USP1: variants seen among roughly 807,000 people sequenced by gnomAD.
The protein encoded by USP1 is ubiquitin carboxyl-terminal hydrolase 1.
USP1 carries 18 observed loss-of-function variants against 72.2 expected under a neutral mutation model. The ratio of observed to expected loss-of-function variants is 0.25; its 90% CI spans 0.17 to 0.37. The LOEUF (loss-of-function observed/expected upper bound fraction) is 0.37. USP1 is among the 10% of genes least tolerant of loss of function. The pLI is 1.00. For missense variants in USP1, 759 were observed against 884.9 expected (o/e 0.86, Z 1.81); for synonymous variants, 354 against 303.7 (o/e 1.17, Z -1.72).
intron 1 of USP1, among the ~76,000 whole-genome samples, chr1:62,439,164 A>G (rs1182454709): frequency 2.0e-5 from 3 of 152,188 alleles, no homozygotes; most frequent in Non-Finnish European, 4.4e-5. Flanking sequence ...TATTTTCTGA[A>G]TGAATCATTA....
Position 62,447,493 on chromosome 1 carries a change from G to C in USP1, c.1402G>C (p.Val468Leu). 6.2e-7 allele frequency: 1 copy of C among 1,613,116 alleles called. No homozygotes were observed. The highest frequency in any genetic ancestry group is 8.5e-7 in the Non-Finnish European group (1 of 1,179,768). ...VPVQEDELSK[V>L]EESSEISPEP... ...AGTACAAGAAGATGAGCTTTCCAAAGTAGAGGAGAGTTCTGAAAGTAAGCA... is the reference window on the plus strand; with the variant it reads ...AGTACAAGAAGATGAGCTTTCCAAACTAGAGGAGAGTTCTGAAAGTAAGCA... The change falls in exon 7 of 9, where the codon GTA (valine) becomes CTA (leucine). Residue 468 changes from valine to leucine, a missense_variant. Coordinates refer to ENST00000339950, the MANE Select transcript of USP1 (RefSeq NM_003368.5).
intron 2 of USP1, among the ~76,000 whole-genome samples, chr1:62,440,381 ATATTTG>A (rs947933216): frequency 1.9e-4 from 29 of 150,044 alleles, no homozygotes; most frequent in African/African-American, 6.2e-4. Context: ...ATATATATAT[ATATTTG>A]TTTGGTTCAG....
intron 7 of USP1, among the ~76,000 whole-genome samples, chr1:62,448,016 G>C (rs774569434): frequency 2.0e-5 from 3 of 152,114 alleles, no homozygotes; most frequent in Non-Finnish European, 4.4e-5. Flanking sequence ...TCAATCTCCT[G>C]ACCTCGTGAT....
chr1:62,442,422 C>G (rs1018806741), intron 4 of USP1, 123 bp downstream of exon 4: 20 of 677,240 alleles, frequency 3.0e-5, no homozygotes, highest in Non-Finnish European at 4.6e-5. Flanking sequence ...TGTTAGCGAG[C>G]TATTGTCAGG....
At chr1:62,441,751 A>C in intron 3 of USP1, 143 bp downstream of exon 3, 1 of 1,020,372 alleles carries the variant, frequency 9.8e-7, no homozygotes, top group Non-Finnish European at 1.4e-6. Context: ...GGCTAAAATA[A>C]TAAGTTACAT....
Position 62,439,485 on chromosome 1 carries a change from T to G in USP1, c.-69-314T>G, listed in dbSNP as rs540484570. Among the ~76,000 whole-genome samples the G allele has an allele frequency of 1.6e-4, 25 of 152,336 alleles. No homozygotes were observed. In the South Asian group the frequency reaches 4.6e-3, roughly 28 times the overall value. ...GGCGTGAGCTATCGCTTCCGGCCCTTGAAATAATAAGTTTTTACTACTTAT... is the reference window on the plus strand; with the variant it reads ...GGCGTGAGCTATCGCTTCCGGCCCTGGAAATAATAAGTTTTTACTACTTAT... On this transcript the variant is annotated intron_variant, in intron 1 of 8. Transcript: ENST00000339950.
chr1:62,441,540 G>C lies in USP1; in HGVS notation c.223G>C (p.Glu75Gln), dbSNP rs1217421375. The C allele has an allele frequency of 1.2e-6, 2 of 1,613,666 alleles. No individual in the cohort carries two copies. The highest frequency in any genetic ancestry group is 8.5e-7 in the Non-Finnish European group (1 of 1,179,824). ...QSSPINCEKR[E>Q]NLLPFVGLNN... ...TTCACCTATAAACTGTGAGAAGAGA[G>C]AAAACTTGTTACCATTTGTGGGACT... Residue 75 changes from glutamate to glutamine, a missense_variant, in exon 3 of 9, where the codon GAA (glutamate) becomes CAA (glutamine). Around this residue, in one of 9 missense-constraint regions of USP1, gnomAD observed 86 missense variants for 82.0 expected, o/e 1.05. Coordinates refer to ENST00000339950, the MANE Select transcript of USP1 (RefSeq NM_003368.5).
intron 3 of USP1, 149 bp from the exon 4 acceptor site, chr1:62,442,046 G>A (rs1475113783): frequency 1.7e-6 from 1 of 582,112 alleles, no homozygotes; most frequent in Non-Finnish European, 3.0e-6. Flanking sequence ...TACTGATGAA[G>A]TGGAGAACAA....
intron 8 of USP1, among the ~76,000 whole-genome samples, chr1:62,448,975 CAGGCTCAGG>C (rs927056642): frequency 6.6e-6 from 1 of 152,160 alleles, no homozygotes; most frequent in African/African-American, 2.4e-5. Flanking sequence ...CTTGACCTCC[CAGGCTCAGG>C]TGGTTCTCCC....
intron 6 of USP1, 101 bp from the exon 7 acceptor site, chr1:62,447,240 C>T: frequency 8.8e-7 from 1 of 1,141,248 alleles, no homozygotes; most frequent in Non-Finnish European, 1.2e-6. Context: ...GAAAATGGAA[C>T]TGTTATTCAT....
chr1:62,442,496 G>A (rs1237957119), intron 4 of USP1, among the ~76,000 whole-genome samples, 197 bp downstream of exon 4: 1 of 151,858 alleles, frequency 6.6e-6, no homozygotes, highest in Non-Finnish European at 1.5e-5. Flanking sequence ...GTTTGCTCCT[G>A]TAATCTGTGT....
Position 62,450,269 on chromosome 1 carries a change from T to C in USP1, c.1646T>C (p.Leu549Pro), listed in dbSNP as rs1405802329. 6.2e-7 allele frequency: 1 copy of C among 1,612,364 alleles called. No individual in the cohort carries two copies. Among genetic ancestry groups the C allele is most frequent in the East Asian group, 2.2e-5 (1 of 44,740 alleles). ...AGGTTTGATTGTTATGGTGGTGGAC[T>C]TTCCAAGATCAACACTCCTTTATTG... ...GLEFDCYGGG[L>P]SKINTPLLTP... The change falls in exon 9 of 9, where the codon CTT (leucine) becomes CCT (proline). Residue 549 changes from leucine to proline, a missense_variant. By Grantham distance (98) the Leu-to-Pro change is moderately conservative. Transcript: ENST00000339950.
At chr1:62,447,977 G>A (rs550403749) in intron 7 of USP1, among the ~76,000 whole-genome samples, 82 of 152,096 alleles carry the variant, frequency 5.4e-4, no homozygotes, top group East Asian at 1.9e-4. Context: ...TAGTAGAGAC[G>A]GGGTTTCACC....
Position 62,439,967 on chromosome 1 carries a change from AAGAG to A in USP1, c.103_106del (p.Arg35LeufsTer34), listed in dbSNP as rs760108216. The A allele has an allele frequency of 6.4e-7, 1 of 1,566,152 alleles. No homozygotes were observed. Among genetic ancestry groups the A allele is most frequent in the Non-Finnish European group, 8.6e-7 (1 of 1,161,304 alleles). Reference sequence around the variant, plus strand: ...AAAGTTTTTTCAGAAAAAGGAAACTAAGAGAGCTTTGGATTTCACAGATTCTCAA... The same window carrying A: ...AAAGTTTTTTCAGAAAAAGGAAACTAAGCTTTGGATTTCACAGATTCTCAA... On this transcript the variant is annotated frameshift_variant, in exon 2 of 9. Coordinates refer to ENST00000339950, the MANE Select transcript of USP1 (RefSeq NM_003368.5). LOFTEE classifies it high-confidence loss of function.
chr1:62,445,989 C>A (rs200668601), intron 6 of USP1, among the ~76,000 whole-genome samples: 2 of 151,364 alleles, frequency 1.3e-5, no homozygotes, highest in East Asian at 4.2e-4. Context: ...CAAAAAAAAA[C>A]AAATAATAAT....
Position 62,450,654 on chromosome 1 carries a change from T to C in USP1, c.2031T>C (p.Asp677=). 6.2e-7 allele frequency: 1 copy of C among 1,614,114 alleles called. No individual in the cohort carries two copies. The highest frequency in any genetic ancestry group is 8.5e-7 in the Non-Finnish European group (1 of 1,180,010). The change falls in exon 9 of 9, where the codon GAT becomes GAC. Residue 677 remains aspartate, a synonymous_variant. Transcript: ENST00000339950. ...TTGGAGGACAAAAGAGCAAAGCAGATTATGAGCTATACAACAAAGCCTCTA... is the reference window on the plus strand; with the variant it reads ...TTGGAGGACAAAAGAGCAAAGCAGACTATGAGCTATACAACAAAGCCTCTA... The part of the protein sequence containing the change: ...GLLGGQKSKA[D]YELYNKASNP...
intron 6 of USP1, among the ~76,000 whole-genome samples, chr1:62,446,945 G>A (rs1645179361): frequency 6.6e-6 from 1 of 151,976 alleles, no homozygotes; most frequent in South Asian, 2.1e-4. Flanking sequence ...CTCCCGAGTA[G>A]CTGTGATTAC....
At chr1:62,450,151 GTTCA>G (rs1486206923) in intron 8 of USP1, 91 bp from the exon 9 acceptor site, 2 of 1,459,434 alleles carry the variant, frequency 1.4e-6, no homozygotes, top group African/African-American at 1.4e-5. Flanking sequence ...GATATTAAGG[GTTCA>G]TTCAGATTTT....
chr1:62,450,784 C>G lies in USP1; in HGVS notation c.2161C>G (p.Gln721Glu). 6.2e-7 allele frequency: 1 copy of G among 1,613,830 alleles called. No individual in the cohort carries two copies. Among genetic ancestry groups the G allele is most frequent in the Non-Finnish European group, 8.5e-7 (1 of 1,179,922 alleles). Residue 721 changes from glutamine to glutamate, a missense_variant, in exon 9 of 9, where the codon CAA (glutamine) becomes GAA (glutamate). Physicochemically the swap from Gln to Glu is conservative, Grantham distance 29. Transcript: ENST00000339950. ...ESDRNKESSD[Q>E]TGINISGFEN... ...TGATAGAAACAAGGAATCCAGTGACCAAACAGGCATTAATATTAGTGGATT... is the reference window on the plus strand; with the variant it reads ...TGATAGAAACAAGGAATCCAGTGACGAAACAGGCATTAATATTAGTGGATT...
Sources: allele counts gnomAD v4.1 joint callset (sites outside exome capture counted in the v4.1 genomes callset), GRCh38; gene constraint gnomAD v4.1.1; regional missense constraint gnomAD v4.1.1; transcripts MANE v1.5; gene names NCBI Gene and HGNC (gene_info 2026-07-23, HGNC 2026-07-21).